SHANK2: variants seen among roughly 807,000 people sequenced by gnomAD.
SHANK2 encodes SH3 and multiple ankyrin repeat domains protein 2.
A neutral mutation model predicts 133.7 loss-of-function variants in SHANK2; 43 were observed. The observed-to-expected ratio is 0.32, with a 90% CI of 0.25 to 0.41. SHANK2 has a LOEUF of 0.41. Among genes scored for constraint, SHANK2 ranks in the 10% least tolerant of loss-of-function variants. SHANK2 has a pLI of 1.00. For synonymous variants in SHANK2, 1,017 were observed against 952.8 expected, an observed-to-expected ratio of 1.07 and a Z score of -1.24; for missense variants, 1,994 against 2,235.8, an observed-to-expected ratio of 0.89 and a Z score of 2.18.
intron 11 of SHANK2, among the ~76,000 whole-genome samples, chr11:70,875,196 T>C (rs1949538524): frequency 6.6e-6 from 1 of 152,110 alleles, no homozygotes; most frequent in Non-Finnish European, 1.5e-5. Flanking sequence ...GCTGGCTTTA[T>C]TGTTATTTGG....
intron 2 of SHANK2, among the ~76,000 whole-genome samples, chr11:71,203,918 A>G (rs4943871): frequency 0.037 from 5,606 of 152,244 alleles, 258 homozygotes; most frequent in Admixed American, 0.15. Context: ...TTTGGGGGGA[A>G]CCATCTACGT....
intron 10 of SHANK2, among the ~76,000 whole-genome samples, chr11:70,938,592 G>A (rs570587248): frequency 7.9e-5 from 12 of 152,330 alleles, no homozygotes; most frequent in African/African-American, 2.4e-4. Flanking sequence ...GGTCAATCCT[G>A]AGGAATGTGC....
At position 70,487,723 on chromosome 11, in the gene SHANK2, A is replaced by G; in HGVS notation, c.2573-3T>C. 6.4e-7 allele frequency: 1 copy of G among 1,554,532 alleles called. No homozygotes were observed. The highest frequency in any genetic ancestry group is 8.7e-7 in the Non-Finnish European group (1 of 1,148,934). On this transcript the variant is annotated splice_region_variant and splice_polypyrimidine_tract_variant and intron_variant, in intron 24 of 25. Transcript: ENST00000601538. The surrounding 1 kb of genome is among the most constrained non-coding windows in gnomAD (Gnocchi z 5.8). ...CTGCCGCTCTTCCTCTGTTATTCCTACAAGCAGAAAACAGGTTTAGCTTTA... is the reference window on the plus strand; with the variant it reads ...CTGCCGCTCTTCCTCTGTTATTCCTGCAAGCAGAAAACAGGTTTAGCTTTA...
intron 3 of SHANK2, among the ~76,000 whole-genome samples, chr11:71,139,991 C>T (rs1480836757): frequency 6.6e-6 from 1 of 152,192 alleles, no homozygotes; most frequent in African/African-American, 2.4e-5. Context: ...AGCACCAACT[C>T]CCAGTGGACG....
At chr11:70,867,550 C>G (rs2135528042) in intron 11 of SHANK2, among the ~76,000 whole-genome samples, 1 of 152,244 alleles carries the variant, frequency 6.6e-6, no homozygotes, top group East Asian at 1.9e-4. Flanking sequence ...CCTCGCTGCC[C>G]CAGCCAGAAA....
In SHANK2 at chr11:70,487,991, G is replaced by C. The variant is rs1471349591; in HGVS notation, c.2573-271C>G. On this transcript the variant is annotated intron_variant, in intron 24 of 25. Transcript: ENST00000601538. The surrounding 1 kb of genome is among the most constrained non-coding windows in gnomAD (Gnocchi z 5.8). Reference sequence around the variant, plus strand: ...TCCAGGCACAGGCTGCAGCAGGGGAGCTGTGTGAGGCCAGGGCAGGAGGGC... The same window carrying C: ...TCCAGGCACAGGCTGCAGCAGGGGACCTGTGTGAGGCCAGGGCAGGAGGGC... Among the ~76,000 whole-genome samples, 1 of 152,254 alleles carries C rather than the reference G, an allele frequency of 6.6e-6. No homozygotes were observed. Among genetic ancestry groups the C allele is most frequent in the Non-Finnish European group, 1.5e-5 (1 of 68,054 alleles).
intron 11 of SHANK2, among the ~76,000 whole-genome samples, chr11:70,875,923 G>T (rs1034489808): frequency 6.6e-6 from 1 of 150,446 alleles, no homozygotes; most frequent in Admixed American, 6.6e-5. Flanking sequence ...TTGGGAGCCC[G>T]AGGTGGGCAG....
At chr11:70,889,392 G>C (rs1555074207) in intron 11 of SHANK2, among the ~76,000 whole-genome samples, 1 of 152,200 alleles carries the variant, frequency 6.6e-6, no homozygotes, top group African/African-American at 2.4e-5. Context: ...AAAACAGGGA[G>C]ACAGTCAATT....
chr11:70,630,060 G>C (rs2060961485), intron 17 of SHANK2, among the ~76,000 whole-genome samples: 1 of 152,228 alleles, frequency 6.6e-6, no homozygotes, highest in Non-Finnish European at 1.5e-5. Flanking sequence ...CACTGCTTTT[G>C]CTCCTGGCCC....
chr11:71,091,563 C>G (rs1951520109), intron 8 of SHANK2, among the ~76,000 whole-genome samples: 2 of 152,134 alleles, frequency 1.3e-5, no homozygotes, highest in South Asian at 4.1e-4. Flanking sequence ...TCCTCTTGAC[C>G]TCCTAGGTAG....
intron 3 of SHANK2, among the ~76,000 whole-genome samples, chr11:71,129,281 C>T (rs1287875547): frequency 1.3e-5 from 2 of 152,144 alleles, no homozygotes; most frequent in Admixed American, 6.5e-5. Context: ...ACTGTGCAGA[C>T]CATTAACTAC....
intron 14 of SHANK2, among the ~76,000 whole-genome samples, chr11:70,797,327 C>A (rs1947935592): frequency 6.6e-6 from 1 of 152,186 alleles, no homozygotes; most frequent in Non-Finnish European, 1.5e-5. Context: ...CCCAGCTTCT[C>A]CTTCATAGTT....
At chr11:70,939,496 A>G (rs1555083981) in intron 10 of SHANK2, among the ~76,000 whole-genome samples, 1 of 152,082 alleles carries the variant, frequency 6.6e-6, no homozygotes, top group Non-Finnish European at 1.5e-5. Flanking sequence ...ATAGTAAAAT[A>G]AAACAAATAA....
rs182786310 is a variant in SHANK2 at position 70,709,888 on chromosome 11, C to T, written c.1778-11125G>A. 2.6e-3 allele frequency among the ~76,000 whole-genome samples: 374 copies of T among 144,288 alleles called. 2 individuals are homozygous for T. Among genetic ancestry groups the T allele is most frequent in the African/African-American group, 9.1e-3 (365 of 40,260 alleles). The allele number at this position is 144,288 out of a possible 152,430, so 94.7% of individuals were successfully genotyped here. A position where few individuals can be genotyped will look rare whatever the true frequency, so the allele number is the denominator to read the frequency against. ...GGTCACCAGTGGGGCGGGTGGGCTCCGGGGGTCCAGGGTAGGATGTCCTCG... is the reference window on the plus strand; with the variant it reads ...GGTCACCAGTGGGGCGGGTGGGCTCTGGGGGTCCAGGGTAGGATGTCCTCG... On this transcript the variant is annotated intron_variant, in intron 14 of 25. Coordinates refer to ENST00000601538, the MANE Select transcript of SHANK2 (RefSeq NM_012309.5).
intron 14 of SHANK2, among the ~76,000 whole-genome samples, chr11:70,779,578 C>T (rs1555044699): frequency 6.6e-6 from 1 of 152,210 alleles, no homozygotes; most frequent in African/African-American, 2.4e-5. Flanking sequence ...TTTAATAGGA[C>T]TGTACCATGC....
In SHANK2 at chr11:70,485,840, C is replaced by A; in HGVS notation, c.4453G>T (p.Ala1485Ser). 1 of 1,613,928 alleles carries A rather than the reference C, an allele frequency of 6.2e-7. No homozygotes were observed. The highest frequency in any genetic ancestry group is 1.6e-4 in the Middle Eastern group (1 of 6,062). Residue 1485 changes from alanine to serine, a missense_variant, in exon 25 of 26, where the codon GCC becomes TCC. This residue lies in a region of SHANK2 where 797 missense variants were observed against 907.4 expected (regional missense o/e 0.88). Transcript: ENST00000601538. The surrounding 1 kb of genome is among the most constrained non-coding windows in gnomAD (Gnocchi z 5.8). ...SFLPPPESFD[A>S]VADSGIEEVD... ...TCCTCGATCCCAGAGTCGGCGACGG[C>A]GTCAAAGCTTTCAGGGGGTGGCAGG...
At chr11:71,142,242 T>G (rs1161795660) in intron 3 of SHANK2, among the ~76,000 whole-genome samples, 2 of 152,082 alleles carry the variant, frequency 1.3e-5, no homozygotes, top group African/African-American at 4.8e-5. Context: ...CTCACGCCTA[T>G]GTAATCCCAG....
intron 24 of SHANK2, chr11:70,488,938 T>A: frequency 3.6e-6 from 1 of 279,912 alleles, no homozygotes; most frequent in Non-Finnish European, 6.9e-6. Flanking sequence ...CACAGACACG[T>A]CAACAGGAGC....
chr11:70,922,386 C>A (rs1950364662), intron 10 of SHANK2, among the ~76,000 whole-genome samples: 1 of 152,038 alleles, frequency 6.6e-6, no homozygotes, highest in South Asian at 2.1e-4. Context: ...ACATGTAAAA[C>A]CACAGACTCA....
Sources: allele counts gnomAD v4.1 joint callset (sites outside exome capture counted in the v4.1 genomes callset), GRCh38; gene constraint gnomAD v4.1.1; regional missense constraint gnomAD v4.1.1; non-coding constraint Gnocchi (gnomAD v3.1); transcripts MANE v1.5; gene names NCBI Gene and HGNC (gene_info 2026-07-23, HGNC 2026-07-21).